DLGAP2: variants seen among roughly 807,000 people sequenced by gnomAD.
The protein encoded by DLGAP2 is disks large-associated protein 2.
A neutral mutation model predicts 100.3 loss-of-function variants in DLGAP2; 26 were observed. The ratio of observed to expected loss-of-function variants is 0.26; its 90% confidence interval spans 0.19 to 0.36. The LOEUF (loss-of-function observed/expected upper bound fraction) is 0.36, where lower values mean the gene tolerates loss of function less well. DLGAP2 is among the 10% of genes least tolerant of loss of function. The probability of loss-of-function intolerance (pLI) is 1.00; values close to 1 mark genes in which losing one functional copy is unlikely to be tolerated. For missense variants in DLGAP2, 1,858 were observed against 1,453.2 expected (o/e 1.28, Z -4.53); for synonymous variants, 886 against 630.1 (o/e 1.41, Z -6.08).
In DLGAP2 at chr8:1,228,636, C is replaced by G. The variant is rs1050223151; in HGVS notation, c.74-30215C>G. Among the ~76,000 whole-genome samples, 3 of 152,272 alleles carry G rather than the reference C, an allele frequency of 2.0e-5. No homozygotes were observed. The South Asian group carries it at 6.2e-4, about 32-fold the overall frequency. ...CAGGATTTCAAGTTTGTTTTGACAT[C>G]TGCAAATCAATTAATGCAATGCAAC... On this transcript the variant is annotated intron_variant, in intron 2 of 14. Coordinates refer to ENST00000637795, the MANE Select transcript of DLGAP2 (RefSeq NM_001346810.2).
intron 3 of DLGAP2, among the ~76,000 whole-genome samples, chr8:1,328,049 T>G (rs964964661): frequency 2.0e-5 from 3 of 151,226 alleles, no homozygotes; most frequent in East Asian, 2.0e-4. Context: ...TTTATAGTTG[T>G]TTTTTTTGGA....
At position 747,597 on chromosome 8, in the gene DLGAP2, G is replaced by A. The variant is rs186053549; in HGVS notation, c.18+9772G>A. The stretch of plus-strand genomic sequence containing the variant: ...GCAGCAGTATGAGGGGCTCCATGAC[G>A]GGACGGGCAGGCTGTGTGGCAGGAT... On this transcript the variant is annotated intron_variant, in intron 1 of 14. Coordinates refer to ENST00000637795, the MANE Select transcript of DLGAP2 (RefSeq NM_001346810.2). Among the ~76,000 whole-genome samples, 7 of 140,380 alleles carry A rather than the reference G, an allele frequency of 5.0e-5. No individual in the cohort carries two copies. The East Asian group carries it at 1.1e-3, about 22-fold the overall frequency. The allele number at this position is 140,380 out of a possible 152,430, so 92.1% of individuals were successfully genotyped here. A position where few individuals can be genotyped will look rare whatever the true frequency, so the allele number is the denominator to read the frequency against.
intron 2 of DLGAP2, among the ~76,000 whole-genome samples, chr8:924,925 C>A (rs780660482): frequency 6.6e-6 from 1 of 152,050 alleles, no homozygotes; most frequent in African/African-American, 2.4e-5. Flanking sequence ...GTTGTGAAGG[C>A]CTGCTTGCTA....
chr8:1,540,697 A>T (rs1801332433), intron 4 of DLGAP2, among the ~76,000 whole-genome samples: 1 of 152,214 alleles, frequency 6.6e-6, no homozygotes, highest in South Asian at 2.1e-4. Context: ...AGGGGGCATC[A>T]CTGCGGACAG....
At chr8:1,179,357 T>G (rs1465551266) in intron 2 of DLGAP2, among the ~76,000 whole-genome samples, 1 of 152,132 alleles carries the variant, frequency 6.6e-6, no homozygotes, top group African/African-American at 2.4e-5. Flanking sequence ...AGGCTGTGGG[T>G]GGAGGGAGTG....
intron 7 of DLGAP2, among the ~76,000 whole-genome samples, chr8:1,627,990 G>C: frequency 9.8e-6 from 1 of 101,652 alleles, no homozygotes; most frequent in South Asian, 3.6e-4. Context: ...GTGGAGCAGG[G>C]ATTAAGAGCT....
intron 3 of DLGAP2, among the ~76,000 whole-genome samples, chr8:1,317,530 TGCGA>T (rs1800786961): frequency 7.2e-6 from 1 of 138,506 alleles, no homozygotes; most frequent in Non-Finnish European, 1.5e-5. Context: ...ATAGAGGCTG[TGCGA>T]GTGCAGCGTG....
At chr8:1,536,277 C>A (rs999279443) in intron 4 of DLGAP2, among the ~76,000 whole-genome samples, 2 of 152,180 alleles carry the variant, frequency 1.3e-5, no homozygotes, top group African/African-American at 4.8e-5. Context: ...ATCTGCCAGT[C>A]ATGGGTAGTG....
intron 5 of DLGAP2, among the ~76,000 whole-genome samples, chr8:1,555,837 G>A (rs1362712630): frequency 6.6e-6 from 1 of 152,250 alleles, no homozygotes; most frequent in South Asian, 2.1e-4. Flanking sequence ...GTTGAAGGGT[G>A]TCTGGTTTTG....
chr8:1,369,941 G>C (rs1490943634), intron 3 of DLGAP2: 2 of 152,270 alleles, frequency 1.3e-5, no homozygotes, highest in African/African-American at 4.8e-5. Context: ...CGAGTGTGCA[G>C]AGAACGTATG....
chr8:749,677 T>C (rs1419482985), intron 1 of DLGAP2, among the ~76,000 whole-genome samples: 2 of 152,246 alleles, frequency 1.3e-5, no homozygotes, highest in Non-Finnish European at 2.9e-5. Context: ...ATCTTTTTTT[T>C]CTCCAGTCAA....
chr8:1,609,920 C>G (rs1190693211), intron 6 of DLGAP2, among the ~76,000 whole-genome samples: 22 of 150,528 alleles, frequency 1.5e-4, no homozygotes, highest in African/African-American at 5.4e-4. Flanking sequence ...GAGACTTAGA[C>G]TCCCACACAT....
chr8:1,284,703 C>T (rs1249984825), intron 3 of DLGAP2, among the ~76,000 whole-genome samples: 2 of 152,186 alleles, frequency 1.3e-5, no homozygotes, highest in African/African-American at 4.8e-5. Flanking sequence ...CTCAGTGCAG[C>T]CTCAGCTGCC....
intron 2 of DLGAP2, among the ~76,000 whole-genome samples, chr8:1,156,795 C>G (rs931997907): frequency 2.0e-5 from 3 of 152,150 alleles, no homozygotes; most frequent in East Asian, 1.9e-4. Flanking sequence ...CTCCTTTTTG[C>G]TTTGTTCCCA....
chr8:938,515 A>G (rs1178900240), intron 2 of DLGAP2, among the ~76,000 whole-genome samples: 1 of 152,014 alleles, frequency 6.6e-6, no homozygotes, highest in Non-Finnish European at 1.5e-5. Context: ...TGTGTGGAGC[A>G]CACGGTGGGG....
intron 13 of DLGAP2, among the ~76,000 whole-genome samples, chr8:1,692,860 A>T (rs1305731580): frequency 6.7e-6 from 1 of 150,116 alleles, no homozygotes; most frequent in African/African-American, 2.4e-5. Context: ...ATACTTACAT[A>T]TATACATGTT....
At chr8:1,469,647 C>T (rs1385708609) in intron 3 of DLGAP2, among the ~76,000 whole-genome samples, 1 of 152,194 alleles carries the variant, frequency 6.6e-6, no homozygotes, top group African/African-American at 2.4e-5. Context: ...ATCTGCCTCA[C>T]CCCAAGATGA....
chr8:1,445,078 CTTT>C (rs11310548), intron 3 of DLGAP2, among the ~76,000 whole-genome samples: 1 of 141,352 alleles, frequency 7.1e-6, no homozygotes, highest in African/African-American at 2.6e-5. Context: ...CCAGATCATT[CTTT>C]TTTTTTTTTT....
chr8:1,683,954 G>GTATATATATATATATATA (rs59220880), intron 12 of DLGAP2, among the ~76,000 whole-genome samples: 24 of 74,726 alleles, frequency 3.2e-4, no homozygotes, highest in Admixed American at 1.0e-3. Context: ...ATATATGTGT[G>GTATATATATATATATATA]TATATATATA....
Sources: gnomAD v4.1 joint callset for allele counts (sites outside exome capture counted in the v4.1 genomes callset) on GRCh38, gnomAD v4.1.1 for gene constraint, MANE v1.5 for transcripts, NCBI Gene and HGNC (gene_info 2026-07-23, HGNC 2026-07-21) for gene names.